The following EFR3A variants were observed in gnomAD, a reference collection of about 807,000 sequenced individuals.
EFR3A encodes protein EFR3 homolog A.
A neutral mutation model predicts 104.4 loss-of-function variants in EFR3A; 76 were observed. The ratio of observed to expected loss-of-function variants is 0.73; its 90% CI spans 0.60 to 0.88. The LOEUF (loss-of-function observed/expected upper bound fraction) is 0.88. Ranked by LOEUF, EFR3A falls within the 40% of genes least tolerant of loss-of-function variation. EFR3A has a pLI of 0.00. For synonymous variants in EFR3A, 330 were observed against 330.0 expected, an observed-to-expected ratio of 1.00 and a Z score of 0.00; for missense variants, 985 against 1,012.5, an observed-to-expected ratio of 0.97 and a Z score of 0.37.
chr8:131,944,954 C>A, intron 3 of EFR3A, 82 bp downstream of exon 3: 1 of 1,462,120 alleles, frequency 6.8e-7, no homozygotes, highest in South Asian at 1.3e-5. Context: ...ATTATTTTGC[C>A]ATTTAGTGAG....
intron 18 of EFR3A, among the ~76,000 whole-genome samples, chr8:131,992,684 G>A (rs1355367515): frequency 1.3e-5 from 2 of 152,166 alleles, no homozygotes; most frequent in African/African-American, 4.8e-5. Context: ...GATAATCTCT[G>A]TAGTGAAGAG....
In EFR3A at chr8:131,940,508, G is replaced by A. The variant is rs747995721; in HGVS notation, c.20G>A (p.Cys7Tyr). The A allele has an allele frequency of 3.0e-5, 48 of 1,597,932 alleles. No individual in the cohort carries two copies. The highest frequency in any genetic ancestry group is 4.1e-5 in the Non-Finnish European group (48 of 1,173,748). The change falls in exon 2 of 23, where the codon TGC becomes TAC. Residue 7 changes from cysteine (C) to tyrosine (Y), a missense_variant. Cys to Tyr is a radical substitution (Grantham distance 194). Transcript: ENST00000254624. ...TTTTTTTTTTTAACAGGAGTATGCT[G>A]CTGCTGTTCCGCTTTGCGTCCTCGC... MPTRVCCCCSALRPRYK... is the reference protein window; with the variant it reads MPTRVCYCCSALRPRYK...
chr8:131,904,297 C>G lies in EFR3A; in HGVS notation c.-16C>G. 2 of 1,267,324 alleles carry G rather than the reference C, an allele frequency of 1.6e-6. No individual in the cohort carries two copies. The highest frequency in any genetic ancestry group is 2.0e-6 in the Non-Finnish European group (2 of 1,005,664). The allele number at this position is 1,267,324 out of a possible 1,614,324, so 78.5% of individuals were successfully genotyped here. On this transcript the variant is annotated 5_prime_UTR_variant, in exon 1 of 23. Transcript: ENST00000254624. ...CGCTGAGCCTCGGTGCGGCGGCGAG[C>G]GCGGTCGAGATCGCCATGCCTACCC...
chr8:132,001,434 G>A (rs1046159046), intron 19 of EFR3A, among the ~76,000 whole-genome samples: 1 of 152,082 alleles, frequency 6.6e-6, no homozygotes, highest in Non-Finnish European at 1.5e-5. Flanking sequence ...CAGTCAGTGG[G>A]ACTCAAATCT....
At chr8:131,957,350 CTTTT>C (rs1185442281) in intron 7 of EFR3A, among the ~76,000 whole-genome samples, 3 of 125,932 alleles carry the variant, frequency 2.4e-5, no homozygotes. Context: ...GGGCCAGGGT[CTTTT>C]TTTTTTTTTT....
chr8:131,946,195 A>G (rs1818429763), intron 3 of EFR3A, among the ~76,000 whole-genome samples: 1 of 152,086 alleles, frequency 6.6e-6, no homozygotes, highest in Non-Finnish European at 1.5e-5. Flanking sequence ...GAAAATGTCC[A>G]TATTTACAAA....
Position 131,904,300 on chromosome 8 carries a change from G to A in EFR3A, c.-13G>A. ...TGAGCCTCGGTGCGGCGGCGAGCGCGGTCGAGATCGCCATGCCTACCCGTG... is the reference window on the plus strand; with the variant it reads ...TGAGCCTCGGTGCGGCGGCGAGCGCAGTCGAGATCGCCATGCCTACCCGTG... On this transcript the variant is annotated 5_prime_UTR_variant, in exon 1 of 23. Transcript: ENST00000254624. The A allele has an allele frequency of 7.9e-7, 1 of 1,265,846 alleles. No homozygotes were observed. The highest frequency in any genetic ancestry group is 1.0e-6 in the Non-Finnish European group (1 of 1,004,808). 78.4% of individuals were successfully genotyped at this position (1,265,846 alleles called of 1,614,324 possible).
chr8:131,966,157 A>G (rs1007357078), intron 8 of EFR3A, among the ~76,000 whole-genome samples: 1 of 152,146 alleles, frequency 6.6e-6, no homozygotes, highest in African/African-American at 2.4e-5. Context: ...ACATGTATAC[A>G]TATGTCACAA....
chr8:131,944,110 A>T (rs988195169), intron 2 of EFR3A, among the ~76,000 whole-genome samples: 1 of 152,082 alleles, frequency 6.6e-6, no homozygotes, highest in Non-Finnish European at 1.5e-5. Flanking sequence ...AGCAACACTT[A>T]CTTGGGTTAT....
At chr8:131,975,410 C>CTTTTTT (rs760100564) in intron 10 of EFR3A, among the ~76,000 whole-genome samples, 2 of 102,184 alleles carry the variant, frequency 2.0e-5, no homozygotes, top group Admixed American at 1.2e-4. Context: ...TTTTTTTTTC[C>CTTTTTT]TATTTTTTTT....
chr8:131,970,745 G>A, intron 10 of EFR3A, 102 bp downstream of exon 10: 1 of 1,152,258 alleles, frequency 8.7e-7, no homozygotes, highest in Non-Finnish European at 1.2e-6. Context: ...AAAGATGAAT[G>A]ATAGCTTAAA....
At chr8:132,004,532 T>C (rs1821942859) in intron 22 of EFR3A, among the ~76,000 whole-genome samples, 1 of 152,216 alleles carries the variant, frequency 6.6e-6, no homozygotes, top group South Asian at 2.1e-4. Context: ...TTGGAAAAAC[T>C]GTCTTCCACA....
chr8:131,919,512 C>T (rs1031654441), intron 1 of EFR3A, among the ~76,000 whole-genome samples: 2 of 148,178 alleles, frequency 1.3e-5, no homozygotes, highest in African/African-American at 2.5e-5. Flanking sequence ...AGGAGAATGG[C>T]GTGAGCTCAG....
chr8:131,986,163 G>T lies in EFR3A; in HGVS notation c.1870-31G>T, dbSNP rs745761931. ...CAAGGTACTGAGGGGTAGGGTTTTT[G>T]ATTTTTGTTCTGTTTTTGAATATTT... On this transcript the variant is annotated intron_variant, in intron 16 of 22. Transcript: ENST00000254624. 2.4e-5 allele frequency: 33 copies of T among 1,350,884 alleles called. 1 individual carries two copies. The highest frequency in any genetic ancestry group is 3.7e-5 in the Admixed American group (2 of 53,886). The allele number at this position is 1,350,884 out of a possible 1,614,324, so 83.7% of individuals were successfully genotyped here.
At chr8:131,909,509 A>G (rs1034409226) in intron 1 of EFR3A, among the ~76,000 whole-genome samples, 1 of 152,058 alleles carries the variant, frequency 6.6e-6, no homozygotes, top group Non-Finnish European at 1.5e-5. Flanking sequence ...TCTCACTACT[A>G]TACTCCAGCC....
At chr8:131,950,796 A>C (rs1818662206) in intron 5 of EFR3A, among the ~76,000 whole-genome samples, 1 of 152,146 alleles carries the variant, frequency 6.6e-6, no homozygotes, top group Non-Finnish European at 1.5e-5. Flanking sequence ...TATCCATCTG[A>C]GGTTGTCATG....
chr8:131,986,672 C>T (rs985353213), intron 17 of EFR3A, among the ~76,000 whole-genome samples: 1 of 151,592 alleles, frequency 6.6e-6, no homozygotes, highest in Non-Finnish European at 1.5e-5. Context: ...GTAGTCCCAG[C>T]TACTCAGGAG....
chr8:131,923,225 G>T (rs775930855), intron 1 of EFR3A, among the ~76,000 whole-genome samples: 1 of 152,070 alleles, frequency 6.6e-6, no homozygotes, highest in South Asian at 2.1e-4. Context: ...GTATTATGTG[G>T]CTTTACTGTT....
intron 9 of EFR3A, among the ~76,000 whole-genome samples, chr8:131,969,239 G>C (rs1263476491): frequency 6.6e-6 from 1 of 152,122 alleles, no homozygotes; most frequent in African/African-American, 2.4e-5. Flanking sequence ...GAAGTTTGAA[G>C]GAGAATCTGG....
Sources: gnomAD v4.1 joint callset for allele counts (sites outside exome capture counted in the v4.1 genomes callset) on GRCh38, gnomAD v4.1.1 for gene constraint, MANE v1.5 for transcripts, NCBI Gene and HGNC (gene_info 2026-07-23, HGNC 2026-07-21) for gene names.